HEMK2: variants seen among roughly 807,000 people sequenced by gnomAD.
HEMK2 encodes the protein methyltransferase HEMK2.
the HEMK2 span, among the ~76,000 whole-genome samples, chr21:28,588,708 T>C: frequency 3.2e-4 from 48 of 152,266 alleles, no homozygotes; most frequent in South Asian, 4.8e-3. Flanking sequence ...CGGTGGCTCA[T>C]GCCTATAATC....
the HEMK2 span, among the ~76,000 whole-genome samples, chr21:28,694,672 T>C: frequency 3.9e-5 from 6 of 152,310 alleles, 1 homozygote; most frequent in South Asian, 1.2e-3. Flanking sequence ...CATTTATCTC[T>C]TCCTGGTTCT....
At chr21:28,581,193 G>A in the HEMK2 span, among the ~76,000 whole-genome samples, 1 of 150,462 alleles carries the variant, frequency 6.6e-6, no homozygotes, top group Non-Finnish European at 1.5e-5. Context: ...ATGTGGAGTG[G>A]ATTCATTATC....
the HEMK2 span, chr21:28,885,149 C>G: frequency 5.4e-6 from 8 of 1,471,880 alleles, no homozygotes; most frequent in East Asian, 1.1e-4. Flanking sequence ...TCCGGCCCTC[C>G]TCCACCGCAC....
the HEMK2 span, among the ~76,000 whole-genome samples, chr21:28,653,844 A>G: frequency 6.6e-6 from 1 of 152,212 alleles, no homozygotes; most frequent in African/African-American, 2.4e-5. Context: ...TTGAGAAATT[A>G]TGTAAGCCTA....
chr21:28,838,135 C>T, the HEMK2 span, among the ~76,000 whole-genome samples: 1 of 152,272 alleles, frequency 6.6e-6, no homozygotes, highest in Admixed American at 6.5e-5. Context: ...GGTACCAATC[C>T]TTTTGACACT....
the HEMK2 span, among the ~76,000 whole-genome samples, chr21:28,853,249 T>C: frequency 6.6e-6 from 1 of 152,198 alleles, no homozygotes; most frequent in Non-Finnish European, 1.5e-5. Context: ...AGATCAGGCA[T>C]TTCCAGCTCG....
At chr21:28,660,599 T>A in the HEMK2 span, among the ~76,000 whole-genome samples, 1 of 151,938 alleles carries the variant, frequency 6.6e-6, no homozygotes, top group African/African-American at 2.4e-5. Context: ...CTCGCATTCC[T>A]AGAACATAAA....
At chr21:28,699,090 T>C in the HEMK2 span, among the ~76,000 whole-genome samples, 1 of 152,214 alleles carries the variant, frequency 6.6e-6, no homozygotes, top group Non-Finnish European at 1.5e-5. Context: ...GCTCAAATTA[T>C]TGTTGGAAGT....
chr21:28,601,182 G>A, the HEMK2 span, among the ~76,000 whole-genome samples: 1 of 152,146 alleles, frequency 6.6e-6, no homozygotes, highest in Non-Finnish European at 1.5e-5. Flanking sequence ...CTACTCAGCA[G>A]CAAGAGGGAT....
chr21:28,682,319 C>A, the HEMK2 span, among the ~76,000 whole-genome samples: 11 of 152,178 alleles, frequency 7.2e-5, no homozygotes, highest in East Asian at 2.1e-3. Context: ...CATCACTGGC[C>A]ATCAGAGAAA....
the HEMK2 span, among the ~76,000 whole-genome samples, chr21:28,620,696 C>CA: frequency 3.7e-5 from 2 of 53,972 alleles, no homozygotes; most frequent in African/African-American, 8.3e-5. Flanking sequence ...TTTTTTGAGA[C>CA]AGAGTCTCAC....
chr21:28,851,435 C>T, the HEMK2 span, among the ~76,000 whole-genome samples: 10 of 152,142 alleles, frequency 6.6e-5, no homozygotes, highest in African/African-American at 1.9e-4. Context: ...GAGTAACACA[C>T]TTAAATGAGG....
At chr21:28,794,925 C>T in the HEMK2 span, among the ~76,000 whole-genome samples, 5 of 152,240 alleles carry the variant, frequency 3.3e-5, no homozygotes, top group Middle Eastern at 3.4e-3. Context: ...CAAGAGTTGA[C>T]GATGGGTGCC....
chr21:28,837,626 C>T, the HEMK2 span, among the ~76,000 whole-genome samples: 1 of 151,788 alleles, frequency 6.6e-6, no homozygotes, highest in Non-Finnish European at 1.5e-5. Flanking sequence ...TAAGGTCACA[C>T]CTAAAGAAAC....
chr21:28,607,499 GA>G, the HEMK2 span, among the ~76,000 whole-genome samples: 1 of 152,180 alleles, frequency 6.6e-6, no homozygotes, highest in Non-Finnish European at 1.5e-5. Context: ...TGCAGGCAGA[GA>G]AGAGATCAAC....
At chr21:28,730,765 G>A in the HEMK2 span, among the ~76,000 whole-genome samples, 3 of 152,276 alleles carry the variant, frequency 2.0e-5, no homozygotes, top group Admixed American at 2.0e-4. Context: ...AAGTCACAAT[G>A]TTTTACAACC....
chr21:28,831,800 G>A, the HEMK2 span, among the ~76,000 whole-genome samples: 1 of 151,716 alleles, frequency 6.6e-6, no homozygotes, highest in East Asian at 1.9e-4. Context: ...AACAGTGATG[G>A]GTCCCTAATA....
the HEMK2 span, among the ~76,000 whole-genome samples, chr21:28,627,701 C>T: frequency 6.6e-6 from 1 of 152,166 alleles, no homozygotes; most frequent in Admixed American, 6.5e-5. Context: ...CCAATTCACA[C>T]TGACTTCCTA....
At chr21:28,699,523 T>G in the HEMK2 span, among the ~76,000 whole-genome samples, 10 of 152,348 alleles carry the variant, frequency 6.6e-5, no homozygotes, top group South Asian at 8.3e-4. Flanking sequence ...AACAAAAATT[T>G]AACAAGAAGA....
Sources: allele counts gnomAD v4.1 joint callset (sites outside exome capture counted in the v4.1 genomes callset), GRCh38; gene constraint gnomAD v4.1.1; transcripts MANE v1.5; gene names NCBI Gene and HGNC (gene_info 2026-07-23, HGNC 2026-07-21).